Variants in SLC23A2 observed in about 807,000 individuals in gnomAD.
SLC23A2 encodes the protein Na(+)/L-ascorbic acid transporter 2.
In SLC23A2, 36 loss-of-function variants were observed where a neutral mutation model predicts 73.3. That is an observed-to-expected ratio of 0.49 (90% CI 0.38 to 0.65). The LOEUF (loss-of-function observed/expected upper bound fraction) is 0.65, where lower values mean the gene tolerates loss of function less well. Among genes scored for constraint, SLC23A2 ranks in the 30% least tolerant of loss-of-function variants. The pLI is 0.00. For missense variants in SLC23A2, 507 were observed against 841.6 expected (o/e 0.60, Z 4.92); for synonymous variants, 343 against 327.3 (o/e 1.05, Z -0.52).
intron 1 of SLC23A2, among the ~76,000 whole-genome samples, chr20:4,995,029 G>A (rs1172379663): frequency 2.0e-5 from 3 of 152,180 alleles, no homozygotes; most frequent in Non-Finnish European, 4.4e-5. Context: ...GCAGGGTGGA[G>A]AAGACCCTCA....
At chr20:4,886,023 G>A in intron 6 of SLC23A2, 114 bp from the exon 7 acceptor site, 1 of 629,686 alleles carries the variant, frequency 1.6e-6, no homozygotes, top group Non-Finnish European at 2.8e-6. Context: ...AGTAAATGCA[G>A]GCACACCTAG....
intron 6 of SLC23A2, among the ~76,000 whole-genome samples, chr20:4,890,751 C>A (rs1483148262): frequency 6.6e-6 from 1 of 152,186 alleles, no homozygotes; most frequent in Non-Finnish European, 1.5e-5. Context: ...CATCCATCGA[C>A]CTGCTGAACT....
intron 3 of SLC23A2, among the ~76,000 whole-genome samples, chr20:4,914,027 G>A (rs1209757614): frequency 6.6e-6 from 1 of 151,788 alleles, no homozygotes; most frequent in East Asian, 1.9e-4. Context: ...TAAATATTAA[G>A]GTAACTGTAT....
intron 2 of SLC23A2, among the ~76,000 whole-genome samples, chr20:4,965,204 C>A (rs751264752): frequency 6.6e-6 from 1 of 152,036 alleles, no homozygotes; most frequent in Non-Finnish European, 1.5e-5. Flanking sequence ...TAACCAGGAG[C>A]CTAAATTTAT....
At chr20:4,860,086 A>G (rs1422363473) in intron 15 of SLC23A2, among the ~76,000 whole-genome samples, 2 of 152,254 alleles carry the variant, frequency 1.3e-5, no homozygotes, top group African/African-American at 4.8e-5. Context: ...AAGGTTAAAA[A>G]TAGAATTACC....
At chr20:4,924,588 T>C (rs1568626486) in intron 3 of SLC23A2, among the ~76,000 whole-genome samples, 1 of 152,202 alleles carries the variant, frequency 6.6e-6, no homozygotes, top group Non-Finnish European at 1.5e-5. Flanking sequence ...AAGGTTTTTT[T>C]CAGGCCAACA....
intron 2 of SLC23A2, among the ~76,000 whole-genome samples, chr20:4,961,999 AG>A (rs986643849): frequency 6.6e-6 from 1 of 152,150 alleles, no homozygotes; most frequent in African/African-American, 2.4e-5. Flanking sequence ...AGAGAAGGGC[AG>A]GAAGTTGGGG....
At position 4,855,082 on chromosome 20, in the gene SLC23A2, T is replaced by C. The variant is rs1286500067; in HGVS notation, c.*1890A>G. On this transcript the variant is annotated 3_prime_UTR_variant, in exon 17 of 17. Coordinates refer to ENST00000338244, the MANE Select transcript of SLC23A2 (RefSeq NM_005116.6). ...CATCAAAGACACATTTAAAAAAACATACAAAATTAGATGTAATTTAGCATC... is the reference window on the plus strand; with the variant it reads ...CATCAAAGACACATTTAAAAAAACACACAAAATTAGATGTAATTTAGCATC... The C allele has an allele frequency of 6.6e-6, 1 of 152,586 alleles. No individual in the cohort carries two copies. Among genetic ancestry groups the C allele is most frequent in the African/African-American group, 2.4e-5 (1 of 41,436 alleles). 9.5% of individuals were successfully genotyped at this position (152,586 alleles called of 1,614,324 possible). A position where few individuals can be genotyped will look rare whatever the true frequency, so the allele number is the denominator to read the frequency against.
chr20:4,861,952 G>A lies in SLC23A2; in HGVS notation c.1620C>T (p.Val540=), dbSNP rs1320915773. 1.2e-6 allele frequency: 2 copies of A among 1,614,092 alleles called. No individual in the cohort carries two copies. Among genetic ancestry groups the A allele is most frequent in the Admixed American group, 1.7e-5 (1 of 60,018 alleles). The part of the protein sequence containing the change: ...LPSYLRQNPL[V]TGITGIDQVL... ...ATGTAAAGCCCATTTCCTCACCTGT[G>A]ACCAGAGGGTTCTGTCTGAGGTAAC... The change falls in exon 15 of 17, where the codon GTC becomes GTT. Residue 540 remains valine (V), a synonymous_variant. Transcript: ENST00000338244.
chr20:4,982,248 C>T (rs999048368), intron 1 of SLC23A2, among the ~76,000 whole-genome samples: 2 of 152,142 alleles, frequency 1.3e-5, no homozygotes, highest in African/African-American at 4.8e-5. Flanking sequence ...CCACCTCGGC[C>T]TCCCAAAGCA....
At position 4,863,983 on chromosome 20, in the gene SLC23A2, C is replaced by T. The variant is rs534614137; in HGVS notation, c.1357-1076G>A. 3.3e-5 allele frequency among the ~76,000 whole-genome samples: 5 copies of T among 152,164 alleles called. No homozygotes were observed. The highest frequency in any genetic ancestry group is 1.9e-4 in the East Asian group (1 of 5,150). On this transcript the variant is annotated intron_variant, in intron 13 of 16. Transcript: ENST00000338244. The surrounding 1 kb of genome is among the most constrained non-coding windows in gnomAD (Gnocchi z 4.8). Reference sequence around the variant, plus strand: ...GTTGGGATGGCCCTCTGTGTCTCAACGCAAAGGCCACACTTTGCCCCTGCC... The same window carrying T: ...GTTGGGATGGCCCTCTGTGTCTCAATGCAAAGGCCACACTTTGCCCCTGCC...
chr20:4,916,335 A>G (rs1932320907), intron 3 of SLC23A2, among the ~76,000 whole-genome samples: 1 of 152,214 alleles, frequency 6.6e-6, no homozygotes, highest in Admixed American at 6.5e-5. Context: ...AAACCTAGAT[A>G]TGATTGAAAG....
intron 2 of SLC23A2, among the ~76,000 whole-genome samples, chr20:4,963,989 G>A (rs1216825338): frequency 1.3e-5 from 2 of 151,030 alleles, no homozygotes; most frequent in Non-Finnish European, 2.9e-5. Context: ...CTGCTAGTGG[G>A]AGTAATAATT....
intron 6 of SLC23A2, among the ~76,000 whole-genome samples, chr20:4,889,838 A>C (rs1931257535): frequency 6.6e-6 from 1 of 152,136 alleles, no homozygotes; most frequent in Admixed American, 6.5e-5. Flanking sequence ...CTCAGAAAGG[A>C]CTTCTATTAA....
chr20:4,894,472 A>G (rs1212076779), intron 6 of SLC23A2, among the ~76,000 whole-genome samples: 1 of 152,220 alleles, frequency 6.6e-6, no homozygotes, highest in East Asian at 1.9e-4. Flanking sequence ...CAGCCTGCAC[A>G]ACTCAGACAT....
At position 4,998,805 on chromosome 20, in the gene SLC23A2, C is replaced by CTT. The variant is rs10634743; in HGVS notation, c.-282+2599_-282+2600dup. ...ATAATTTCAAATCATTACTGTTGAT[C>CTT]TTTTTTTTTTTTTTTTTAGGAGACA... On this transcript the variant is annotated intron_variant, in intron 1 of 16. Coordinates refer to ENST00000338244, the MANE Select transcript of SLC23A2 (RefSeq NM_005116.6). This position sits in a 1 kb window ranked among gnomAD's most constrained non-coding sequence, Gnocchi z 4.1. Among the ~76,000 whole-genome samples, 43,436 of 139,380 alleles carry CTT rather than the reference C, an allele frequency of 0.31. 7,704 individuals are homozygous for CTT. Among genetic ancestry groups the CTT allele is most frequent in the Admixed American group, 0.39 (5,393 of 13,896 alleles). 91.4% of individuals were successfully genotyped at this position (139,380 alleles called of 152,430 possible). A position where few individuals can be genotyped will look rare whatever the true frequency, so the allele number is the denominator to read the frequency against.
At chr20:4,948,654 T>C (rs752879741) in intron 2 of SLC23A2, among the ~76,000 whole-genome samples, 11 of 152,368 alleles carry the variant, frequency 7.2e-5, no homozygotes, top group Non-Finnish European at 1.2e-4. Flanking sequence ...GCAAAGCTTT[T>C]CCCTGATCTT....
At chr20:4,916,835 C>T (rs184888721) in intron 3 of SLC23A2, among the ~76,000 whole-genome samples, 1 of 152,254 alleles carries the variant, frequency 6.6e-6, no homozygotes, top group East Asian at 1.9e-4. Flanking sequence ...ATAAAATAGG[C>T]TTTGTGTTAG....
rs1929700556 is a variant in SLC23A2 at position 4,856,050 on chromosome 20, T to C, written c.*922A>G. 1 of 152,566 alleles carries C rather than the reference T, an allele frequency of 6.6e-6. No individual in the cohort carries two copies. Among genetic ancestry groups the C allele is most frequent in the African/African-American group, 2.4e-5 (1 of 41,450 alleles). 9.5% of individuals were successfully genotyped at this position (152,566 alleles called of 1,614,324 possible). ...AAACACTGATTTCCAAAATCTGCTA[T>C]AGTCAATAACATTAAATAGGAATAA... is the stretch of plus-strand genomic sequence containing the variant. On this transcript the variant is annotated 3_prime_UTR_variant, in exon 17 of 17. Transcript: ENST00000338244. This position sits in a 1 kb window ranked among gnomAD's most constrained non-coding sequence, Gnocchi z 4.6.
Sources: gnomAD v4.1 joint callset for allele counts (sites outside exome capture counted in the v4.1 genomes callset) on GRCh38, gnomAD v4.1.1 for gene constraint, Gnocchi (gnomAD v3.1) non-coding constraint, MANE v1.5 for transcripts, NCBI Gene and HGNC (gene_info 2026-07-23, HGNC 2026-07-21) for gene names.